The following NYAP2 variants were observed in gnomAD, a reference collection of about 807,000 sequenced individuals.
NYAP2 encodes the protein neuronal tyrosine-phosphorylated phosphoinositide-3-kinase adapter 2.
In NYAP2, 23 loss-of-function variants were observed where a neutral mutation model predicts 50.4. The observed-to-expected ratio is 0.46, with a 90% confidence interval of 0.33 to 0.65. The LOEUF (loss-of-function observed/expected upper bound fraction) is 0.65, where lower values mean the gene tolerates loss of function less well. NYAP2 is among the 30% of genes least tolerant of loss of function. The probability of loss-of-function intolerance (pLI) is 0.02; values close to 1 mark genes in which losing one functional copy is unlikely to be tolerated. For missense variants in NYAP2, 885 were observed against 861.0 expected (o/e 1.03, Z -0.35); for synonymous variants, 394 against 365.2 (o/e 1.08, Z -0.90).
chr2:225,570,631 A>G (rs1391643602), intron 4 of NYAP2, among the ~76,000 whole-genome samples: 2 of 152,164 alleles, frequency 1.3e-5, no homozygotes, highest in Non-Finnish European at 2.9e-5. Context: ...ACTGCCCCCA[A>G]TATTCAATTA....
At chr2:225,517,301 A>T (rs769742028) in intron 4 of NYAP2, among the ~76,000 whole-genome samples, 8 of 152,112 alleles carry the variant, frequency 5.3e-5, no homozygotes, top group Non-Finnish European at 1.2e-4. Context: ...AGATTAGATG[A>T]TCTAAAGGGG....
At chr2:225,427,525 C>T (rs888792410) in intron 3 of NYAP2, among the ~76,000 whole-genome samples, 3 of 152,192 alleles carry the variant, frequency 2.0e-5, no homozygotes, top group African/African-American at 7.2e-5. Context: ...CCTCTGCTCA[C>T]GTCTGTGTCC....
At chr2:225,549,806 A>C (rs1206426240) in intron 4 of NYAP2, among the ~76,000 whole-genome samples, 1 of 151,552 alleles carries the variant, frequency 6.6e-6, no homozygotes, top group East Asian at 1.9e-4. Flanking sequence ...ACATGGTGAA[A>C]CCCCCCTGTT....
chr2:225,608,998 C>T (rs1309434245), intron 5 of NYAP2, among the ~76,000 whole-genome samples: 1 of 152,040 alleles, frequency 6.6e-6, no homozygotes, highest in Non-Finnish European at 1.5e-5. Context: ...GGCCTGAAAC[C>T]TCACCTTCTA....
intron 4 of NYAP2, among the ~76,000 whole-genome samples, chr2:225,535,893 T>C (rs567922829): frequency 3.5e-4 from 54 of 152,288 alleles, no homozygotes; most frequent in African/African-American, 1.2e-3. Flanking sequence ...TATAGATATA[T>C]CTAGAATATG....
intron 3 of NYAP2, among the ~76,000 whole-genome samples, chr2:225,493,312 A>G (rs781688904): frequency 2.2e-4 from 34 of 152,148 alleles, no homozygotes; most frequent in Non-Finnish European, 3.4e-4. Flanking sequence ...GTTTTTTTAA[A>G]AAGTCTGTTT....
chr2:225,579,094 G>GGAGAGA (rs34026452), intron 4 of NYAP2, among the ~76,000 whole-genome samples: 117 of 147,422 alleles, frequency 7.9e-4, no homozygotes, highest in African/African-American at 2.0e-3. Flanking sequence ...AGAAGAGAGG[G>GGAGAGA]GAGAGAGAGA....
chr2:225,419,736 G>C (rs1275574841), intron 3 of NYAP2, among the ~76,000 whole-genome samples: 2 of 152,004 alleles, frequency 1.3e-5, no homozygotes, highest in Non-Finnish European at 2.9e-5. Flanking sequence ...TATTTTTACT[G>C]TCACCATTTT....
chr2:225,593,657 G>T lies in NYAP2; in HGVS notation c.1618+10622G>T, dbSNP rs191131248. 3.3e-5 allele frequency among the ~76,000 whole-genome samples: 5 copies of T among 152,134 alleles called. No homozygotes were observed. The East Asian group carries it at 9.6e-4, about 29-fold the overall frequency. On this transcript the variant is annotated intron_variant, in intron 5 of 6. Coordinates refer to ENST00000636099, the Ensembl canonical transcript of NYAP2. ...TCTCTCTATTGAAACAAAGGACCAG[G>T]GAAAACAAGCTACAAACCTTTTCAT...
At chr2:225,694,945 G>GA in the NYAP2 span, among the ~76,000 whole-genome samples, 49 of 149,750 alleles carry the variant, frequency 3.3e-4, no homozygotes, top group Non-Finnish European at 3.9e-4. Flanking sequence ...GAGTAAGTCT[G>GA]AAAAAAAAAG....
the NYAP2 span, among the ~76,000 whole-genome samples, chr2:225,684,143 C>T: frequency 6.6e-6 from 1 of 152,144 alleles, no homozygotes; most frequent in Non-Finnish European, 1.5e-5. Context: ...GTCAGAGAGA[C>T]ACAAACTCCA....
At chr2:225,643,622 T>G (rs1693572589) in intron 6 of NYAP2, among the ~76,000 whole-genome samples, 1 of 135,412 alleles carries the variant, frequency 7.4e-6, no homozygotes, top group South Asian at 2.4e-4. Context: ...GTCCCCAGAG[T>G]GTGATGTTCC....
the NYAP2 span, chr2:225,700,209 T>G: frequency 6.6e-6 from 1 of 151,830 alleles, no homozygotes; most frequent in Non-Finnish European, 1.5e-5. Flanking sequence ...GTTTTATAAT[T>G]AATGTGTATT....
At chr2:225,553,043 C>T (rs974089740) in intron 4 of NYAP2, among the ~76,000 whole-genome samples, 6 of 152,180 alleles carry the variant, frequency 3.9e-5, no homozygotes, top group Non-Finnish European at 5.9e-5. Context: ...TAGCAGCCAA[C>T]ACAGACCAGG....
At chr2:225,629,775 A>C (rs1472246223) in intron 6 of NYAP2, among the ~76,000 whole-genome samples, 1 of 152,170 alleles carries the variant, frequency 6.6e-6, no homozygotes, top group Non-Finnish European at 1.5e-5. Flanking sequence ...GTCTCACCAA[A>C]GTGAGCACTT....
the NYAP2 span, among the ~76,000 whole-genome samples, chr2:225,668,114 TTC>T: frequency 6.6e-6 from 1 of 152,208 alleles, no homozygotes; most frequent in African/African-American, 2.4e-5. Context: ...TTCAGTTTCT[TTC>T]TTTGTTTCTC....
chr2:225,452,335 C>T (rs948105796), intron 3 of NYAP2, among the ~76,000 whole-genome samples: 3 of 152,100 alleles, frequency 2.0e-5, no homozygotes, highest in African/African-American at 7.2e-5. Context: ...TAAGAGTGCT[C>T]AACAAATATG....
At chr2:225,608,808 A>G (rs1692832130) in intron 5 of NYAP2, among the ~76,000 whole-genome samples, 1 of 152,088 alleles carries the variant, frequency 6.6e-6, no homozygotes, top group Non-Finnish European at 1.5e-5. Context: ...ACAACACCAT[A>G]CATGTGAATA....
chr2:225,590,917 A>AGT (rs1308537627), intron 5 of NYAP2, among the ~76,000 whole-genome samples: 3 of 152,194 alleles, frequency 2.0e-5, no homozygotes, highest in Non-Finnish European at 4.4e-5. Context: ...AGCTGTGCCG[A>AGT]GTGTGTGCCA....
Sources: gnomAD v4.1 joint callset for allele counts (sites outside exome capture counted in the v4.1 genomes callset) on GRCh38, gnomAD v4.1.1 for gene constraint, MANE v1.5 for transcripts, NCBI Gene and HGNC (gene_info 2026-07-23, HGNC 2026-07-21) for gene names.